Variants in ST18 observed in about 807,000 individuals in gnomAD.
ST18 encodes the protein suppression of tumorigenicity 18 protein.
A neutral mutation model predicts 110.0 loss-of-function variants in ST18; 50 were observed. The observed-to-expected ratio is 0.45, with a 90% CI of 0.36 to 0.58. The LOEUF is 0.58. ST18 is among the 20% of genes least tolerant of loss of function. The pLI is 0.00. For missense variants in ST18, 1,306 were observed against 1,280.1 expected (o/e 1.02, Z -0.31); for synonymous variants, 461 against 452.4 (o/e 1.02, Z -0.24).
At chr8:52,146,017 T>C (rs2057139495) in intron 16 of ST18, among the ~76,000 whole-genome samples, 2 of 152,182 alleles carry the variant, frequency 1.3e-5, no homozygotes, top group African/African-American at 2.4e-5. Context: ...TAAGCAACTG[T>C]TGTGCATATG....
chr8:52,225,962 G>T (rs539638354), intron 3 of ST18, among the ~76,000 whole-genome samples: 1 of 152,302 alleles, frequency 6.6e-6, no homozygotes, highest in South Asian at 2.1e-4. Context: ...TAGAAACTTC[G>T]TAAAAGTCCT....
In ST18 at chr8:52,127,813, A is replaced by T. The variant is rs541240362; in HGVS notation, c.2667-1673T>A. ...CAGGATGTAAAATGAATCTTAAATT[A>T]AAAAAAAAAAAAGGGCAGGAAAAAT... On this transcript the variant is annotated intron_variant, in intron 22 of 25. Coordinates refer to ENST00000689386, the MANE Select transcript of ST18 (RefSeq NM_001352837.2). Among the ~76,000 whole-genome samples the T allele has an allele frequency of 8.3e-3, 628 of 75,484 alleles. 6 individuals are homozygous for T. The highest frequency in any genetic ancestry group is 0.028 in the Middle Eastern group (4 of 144). The allele number at this position is 75,484 out of a possible 152,430, so 49.5% of individuals were successfully genotyped here.
At chr8:52,243,684 C>T (rs1022878038) in intron 2 of ST18, among the ~76,000 whole-genome samples, 4 of 152,172 alleles carry the variant, frequency 2.6e-5, no homozygotes, top group African/African-American at 9.7e-5. Flanking sequence ...CCATGCCTGG[C>T]ACAGTGTAAG....
intron 2 of ST18, among the ~76,000 whole-genome samples, chr8:52,257,853 C>T (rs981502371): frequency 1.8e-4 from 28 of 152,028 alleles, no homozygotes; most frequent in African/African-American, 6.3e-4. Context: ...GAAACTATTG[C>T]CAAATTCAAT....
At chr8:52,373,479 C>G (rs563093808) in intron 2 of ST18, among the ~76,000 whole-genome samples, 2 of 152,130 alleles carry the variant, frequency 1.3e-5, no homozygotes, top group East Asian at 3.9e-4. Flanking sequence ...GTTTCCTGAG[C>G]CCTCCCCTCC....
At chr8:52,355,507 C>T (rs1590193064) in intron 2 of ST18, among the ~76,000 whole-genome samples, 4 of 152,194 alleles carry the variant, frequency 2.6e-5, no homozygotes, top group African/African-American at 7.2e-5. Flanking sequence ...ACATAAAGCT[C>T]GGTTCAAAAT....
intron 2 of ST18, among the ~76,000 whole-genome samples, chr8:52,324,749 G>A (rs912721608): frequency 6.6e-6 from 1 of 152,030 alleles, no homozygotes; most frequent in African/African-American, 2.4e-5. Flanking sequence ...GATTATACTG[G>A]GCATAGAAAA....
In ST18 at chr8:52,196,256, C is replaced by T. The variant is rs563458702; in HGVS notation, c.86+15823G>A. The stretch of plus-strand genomic sequence containing the variant: ...TGGGTCAGTGGAGGAACCAACCATG[C>T]CAGCTCAGTTTTTCCCTGAGAGAAA... On this transcript the variant is annotated intron_variant, in intron 8 of 25. Coordinates refer to ENST00000689386, the MANE Select transcript of ST18 (RefSeq NM_001352837.2). Among the ~76,000 whole-genome samples the T allele has an allele frequency of 3.3e-5, 5 of 152,250 alleles. No individual in the cohort carries two copies. The East Asian group carries it at 9.6e-4, about 29-fold the overall frequency.
At chr8:52,298,198 AC>A (rs1166125044) in intron 2 of ST18, among the ~76,000 whole-genome samples, 1 of 152,094 alleles carries the variant, frequency 6.6e-6, no homozygotes, top group African/African-American at 2.4e-5. Flanking sequence ...CACATATTTC[AC>A]TGGCCAGAGT....
In ST18 at chr8:52,119,999, A is replaced by C. The variant is rs149638285; in HGVS notation, c.2756-1558T>G. Among the ~76,000 whole-genome samples, 125 of 152,334 alleles carry C rather than the reference A, an allele frequency of 8.2e-4. 1 individual carries two copies. Among genetic ancestry groups the C allele is most frequent in the African/African-American group, 2.7e-3 (111 of 41,574 alleles). On this transcript the variant is annotated intron_variant, in intron 23 of 25. Coordinates refer to ENST00000689386, the MANE Select transcript of ST18 (RefSeq NM_001352837.2). The stretch of plus-strand genomic sequence containing the variant: ...TTTAAATATGAGTCATCAGTATGAC[A>C]TGGCTACTAAGAAAACAACCAACAG...
chr8:52,401,446 A>C (rs1010275634), intron 2 of ST18, among the ~76,000 whole-genome samples: 9 of 151,688 alleles, frequency 5.9e-5, no homozygotes, highest in African/African-American at 2.2e-4. Flanking sequence ...CCCTCTAACA[A>C]CCCCATATTT....
intron 2 of ST18, among the ~76,000 whole-genome samples, chr8:52,309,045 C>T (rs976372952): frequency 6.6e-6 from 1 of 152,194 alleles, no homozygotes; most frequent in Non-Finnish European, 1.5e-5. Context: ...AAAAACAAAA[C>T]CTCATCTTCC....
intron 5 of ST18, among the ~76,000 whole-genome samples, chr8:52,220,363 T>C (rs1370186402): frequency 1.3e-5 from 2 of 152,220 alleles, no homozygotes; most frequent in Admixed American, 1.3e-4. Flanking sequence ...TTTAAAACAT[T>C]GTGCTTTTAA....
intron 10 of ST18, among the ~76,000 whole-genome samples, chr8:52,167,892 T>C (rs2063546732): frequency 6.6e-6 from 1 of 151,986 alleles, no homozygotes; most frequent in Admixed American, 6.6e-5. Flanking sequence ...TGGGGTTTGA[T>C]TTTCTGGCAC....
chr8:52,131,559 C>A (rs1190281534), intron 22 of ST18, among the ~76,000 whole-genome samples: 1 of 152,190 alleles, frequency 6.6e-6, no homozygotes, highest in Non-Finnish European at 1.5e-5. Flanking sequence ...CAAATTGAGC[C>A]AGTCCATAAG....
chr8:52,180,024 CAACCATACA>C (rs1226808207), intron 9 of ST18, 89 bp downstream of exon 9: 4 of 1,265,372 alleles, frequency 3.2e-6, no homozygotes, highest in South Asian at 1.5e-5. Context: ...TGTACTTTTA[CAACCATACA>C]AACCATACAA....
At chr8:52,343,566 C>T (rs1351663096) in intron 2 of ST18, among the ~76,000 whole-genome samples, 1 of 152,164 alleles carries the variant, frequency 6.6e-6, no homozygotes, top group Non-Finnish European at 1.5e-5. Flanking sequence ...ATCCCTCACA[C>T]GCAGTGGAGC....
chr8:52,346,869 A>G (rs138972358), intron 2 of ST18, among the ~76,000 whole-genome samples: 14 of 152,332 alleles, frequency 9.2e-5, no homozygotes, highest in Non-Finnish European at 2.1e-4. Flanking sequence ...TGGGAGATGA[A>G]CAATCTCTGG....
intron 2 of ST18, among the ~76,000 whole-genome samples, chr8:52,398,959 C>A (rs557779070): frequency 1.6e-4 from 24 of 151,940 alleles, no homozygotes; most frequent in African/African-American, 5.5e-4. Context: ...TCATAAAATG[C>A]GTTAGGAAGT....
Sources: allele counts gnomAD v4.1 joint callset (sites outside exome capture counted in the v4.1 genomes callset), GRCh38; gene constraint gnomAD v4.1.1; transcripts MANE v1.5; gene names NCBI Gene and HGNC (gene_info 2026-07-23, HGNC 2026-07-21).